Variants in OPCML observed in about 807,000 individuals in gnomAD.
OPCML encodes the protein opioid-binding protein/cell adhesion molecule.
OPCML carries 13 observed loss-of-function variants against 37.8 expected under a neutral mutation model. The observed-to-expected ratio is 0.34, with a 90% CI of 0.22 to 0.55. The LOEUF is 0.55. Among genes scored for constraint, OPCML ranks in the 20% least tolerant of loss-of-function variants. OPCML has a pLI of 0.91. For synonymous variants in OPCML, 176 were observed against 168.8 expected (o/e 1.04, Z -0.33); for missense variants, 341 against 435.6 (o/e 0.78, Z 1.93).
chr11:132,856,354 A>T, intron 2 of OPCML, among the ~76,000 whole-genome samples: 1 of 152,204 alleles, frequency 6.6e-6, no homozygotes, highest in Non-Finnish European at 1.5e-5. Context: ...AGAAACAGTC[A>T]CACTGTTTTC....
At chr11:133,350,029 A>G (rs1294181819) in intron 1 of OPCML, among the ~76,000 whole-genome samples, 1 of 152,208 alleles carries the variant, frequency 6.6e-6, no homozygotes, top group Non-Finnish European at 1.5e-5. Flanking sequence ...AGAGGAGCCC[A>G]CAGAGCCTTC....
rs537310433 is a variant in OPCML, at chr11:132,893,863, T to C, written c.146+49063A>G. 3.3e-5 allele frequency among the ~76,000 whole-genome samples: 5 copies of C among 152,226 alleles called. No homozygotes were observed. In the South Asian group the frequency reaches 6.2e-4, roughly 19 times the overall value. ...GCTTCCAATAAGCAAGGTGGAGTTA[T>C]AGGCTGTCTTTACACACTCTTATCA... On this transcript the variant is annotated intron_variant, in intron 2 of 7. Transcript: ENST00000524381.
At chr11:132,872,846 C>A (rs903542493) in intron 2 of OPCML, among the ~76,000 whole-genome samples, 1 of 151,428 alleles carries the variant, frequency 6.6e-6, no homozygotes, top group Non-Finnish European at 1.5e-5. Context: ...TGCCACCTTG[C>A]TCCCTGGCTA....
chr11:132,758,723 A>G (rs990492622), intron 2 of OPCML, among the ~76,000 whole-genome samples: 1 of 152,188 alleles, frequency 6.6e-6, no homozygotes, highest in African/African-American at 2.4e-5. Context: ...TGTTTTCTAA[A>G]TACACAATCA....
At chr11:132,864,693 T>A (rs1230867184) in intron 2 of OPCML, among the ~76,000 whole-genome samples, 3 of 152,176 alleles carry the variant, frequency 2.0e-5, no homozygotes. Flanking sequence ...GCACTTCAGA[T>A]TAAAAGAAAG....
chr11:133,194,616 CA>C lies in OPCML; in HGVS notation c.62-251607del, dbSNP rs146797336. ...TAACCTCACAACTACCCCCTGATAC[CA>C]AGCCCTTTCCATCTCCGATACGTCC... is the stretch of plus-strand genomic sequence containing the variant. On this transcript the variant is annotated intron_variant, in intron 1 of 7. Coordinates refer to ENST00000524381, the MANE Select transcript of OPCML (RefSeq NM_001012393.5). Among the ~76,000 whole-genome samples the C allele has an allele frequency of 2.9e-3, 435 of 152,278 alleles. 1 individual carries two copies. The highest frequency in any genetic ancestry group is 5.2e-3 in the Non-Finnish European group (354 of 68,024).
chr11:133,246,625 C>T (rs928539937), intron 1 of OPCML, among the ~76,000 whole-genome samples: 3 of 152,182 alleles, frequency 2.0e-5, no homozygotes, highest in Non-Finnish European at 4.4e-5. Flanking sequence ...AGGGCAGAGA[C>T]ATCCGGGGCA....
intron 2 of OPCML, among the ~76,000 whole-genome samples, chr11:132,716,048 A>G: frequency 6.6e-6 from 1 of 152,254 alleles, no homozygotes; most frequent in East Asian, 1.9e-4. Flanking sequence ...TCAGCACAAG[A>G]TATACTTTCT....
chr11:133,287,742 G>C (rs1942344329), intron 1 of OPCML, among the ~76,000 whole-genome samples: 1 of 152,080 alleles, frequency 6.6e-6, no homozygotes, highest in South Asian at 2.1e-4. Flanking sequence ...TGCAGGAAAG[G>C]AGGCAGAGAG....
chr11:133,005,959 G>A (rs1432536644), intron 1 of OPCML: 13 of 985,270 alleles, frequency 1.3e-5, no homozygotes, highest in Non-Finnish European at 1.6e-5. Flanking sequence ...GCAGCTTCCA[G>A]GACAAGTTCT....
intron 3 of OPCML, among the ~76,000 whole-genome samples, chr11:132,559,628 A>G (rs955805380): frequency 5.3e-5 from 8 of 152,222 alleles, no homozygotes; most frequent in Non-Finnish European, 7.3e-5. Flanking sequence ...ATGGAATGAA[A>G]GGGAACTCTA....
rs1939412659 is a variant in OPCML, at chr11:133,212,671, G to A, written c.62-269661C>T. On this transcript the variant is annotated intron_variant, in intron 1 of 7. Transcript: ENST00000524381. This position sits in a 1 kb window ranked among gnomAD's most constrained non-coding sequence, Gnocchi z 4.9. Reference sequence around the variant, plus strand: ...CTCACTGTGACTGTTGTTATTGTCTGTCCTCTGCTAGAACAGAGGCTCCAT... The same window carrying A: ...CTCACTGTGACTGTTGTTATTGTCTATCCTCTGCTAGAACAGAGGCTCCAT... Among the ~76,000 whole-genome samples, 1 of 152,158 alleles carries A rather than the reference G, an allele frequency of 6.6e-6. No homozygotes were observed. The highest frequency in any genetic ancestry group is 1.5e-5 in the Non-Finnish European group (1 of 68,028).
chr11:133,525,660 G>A (rs78254464), intron 1 of OPCML, among the ~76,000 whole-genome samples: 4,354 of 152,228 alleles, frequency 0.029, 218 homozygotes, highest in African/African-American at 0.099. Flanking sequence ...TTCTAAAACC[G>A]TTAGTAACTC....
chr11:132,952,385 T>G (rs1945878838), intron 1 of OPCML, among the ~76,000 whole-genome samples: 2 of 152,158 alleles, frequency 1.3e-5, no homozygotes. Context: ...TACTGTCCTC[T>G]AAAAAACCCA....
At chr11:132,693,625 G>A (rs1177781086) in intron 2 of OPCML, among the ~76,000 whole-genome samples, 3 of 152,176 alleles carry the variant, frequency 2.0e-5, no homozygotes, top group Admixed American at 6.5e-5. Context: ...TGAGAAATCT[G>A]TAAATTACCT....
At chr11:133,294,579 G>A (rs1372304065) in intron 1 of OPCML, among the ~76,000 whole-genome samples, 1 of 151,948 alleles carries the variant, frequency 6.6e-6, no homozygotes, top group Non-Finnish European at 1.5e-5. Context: ...TCTTCATGAG[G>A]AGGTGGACCA....
intron 1 of OPCML, among the ~76,000 whole-genome samples, chr11:133,498,994 A>G (rs1003873875): frequency 4.6e-5 from 7 of 152,214 alleles, no homozygotes; most frequent in African/African-American, 1.7e-4. Context: ...GTTCTCCTAC[A>G]TGTTCAAGTC....
chr11:133,175,207 C>T (rs1359982553), intron 1 of OPCML, among the ~76,000 whole-genome samples: 2 of 152,138 alleles, frequency 1.3e-5, no homozygotes, highest in Non-Finnish European at 2.9e-5. Flanking sequence ...AGAGGCCCAC[C>T]ATCTGTGTGG....
intron 1 of OPCML, among the ~76,000 whole-genome samples, chr11:133,047,839 A>G (rs1948050847): frequency 6.6e-6 from 1 of 152,216 alleles, no homozygotes; most frequent in Non-Finnish European, 1.5e-5. Flanking sequence ...AAAAAGCAGC[A>G]ATTTGTCTGA....
Sources: gnomAD v4.1 joint callset for allele counts (sites outside exome capture counted in the v4.1 genomes callset) on GRCh38, gnomAD v4.1.1 for gene constraint, Gnocchi (gnomAD v3.1) non-coding constraint, MANE v1.5 for transcripts, NCBI Gene and HGNC (gene_info 2026-07-23, HGNC 2026-07-21) for gene names.